Variants in CELF1 observed in about 807,000 individuals in gnomAD.
The protein encoded by CELF1 is 50 kDa nuclear polyadenylated RNA-binding protein.
CELF1 carries 10 observed loss-of-function variants against 61.8 expected under a neutral mutation model. The observed-to-expected ratio is 0.16, with a 90% CI of 0.10 to 0.27. The LOEUF is 0.27. CELF1 is among the 10% of genes least tolerant of loss of function. The probability of loss-of-function intolerance (pLI) is 1.00; values close to 1 mark genes in which losing one functional copy is unlikely to be tolerated. For missense variants in CELF1, 380 were observed against 639.1 expected, an observed-to-expected ratio of 0.59 and a Z score of 4.37; for synonymous variants, 236 against 225.1, an observed-to-expected ratio of 1.05 and a Z score of -0.43.
At chr11:47,508,347 T>A (rs1023923533) in intron 1 of CELF1, among the ~76,000 whole-genome samples, 8 of 152,100 alleles carry the variant, frequency 5.3e-5, no homozygotes, top group Non-Finnish European at 1.0e-4. Flanking sequence ...TGGTTTTTCA[T>A]AGGCATCACT....
At chr11:47,519,574 A>G (rs944164865) in intron 1 of CELF1, among the ~76,000 whole-genome samples, 5 of 152,140 alleles carry the variant, frequency 3.3e-5, no homozygotes, top group African/African-American at 1.2e-4. Flanking sequence ...GTGCTCCTAA[A>G]GGTGCTTCTC....
intron 2 of CELF1, among the ~76,000 whole-genome samples, chr11:47,558,176 C>G (rs2097211550): frequency 6.6e-6 from 1 of 151,848 alleles, no homozygotes; most frequent in South Asian, 2.1e-4. Context: ...ACTCTTAAGG[C>G]CTGGTTACAT....
chr11:47,475,656 A>G, intron 12 of CELF1, 135 bp from the exon 13 acceptor site: 2 of 810,508 alleles, frequency 2.5e-6, no homozygotes, highest in Non-Finnish European at 3.8e-6. Context: ...TCTCCCTGAG[A>G]AGAAACTATC....
At chr11:47,532,166 G>T (rs933640875) in intron 1 of CELF1, among the ~76,000 whole-genome samples, 9 of 152,102 alleles carry the variant, frequency 5.9e-5, no homozygotes, top group African/African-American at 1.9e-4. Context: ...GAGTAGCTGG[G>T]ACTACAGGTA....
chr11:47,486,714 G>T, intron 6 of CELF1, 36 bp downstream of exon 6: 1 of 1,582,238 alleles, frequency 6.3e-7, no homozygotes, highest in Non-Finnish European at 8.7e-7. Flanking sequence ...GGCCTAGGCA[G>T]AAATCTTAAG....
intron 1 of CELF1, among the ~76,000 whole-genome samples, chr11:47,546,134 T>C (rs1031213008): frequency 1.3e-5 from 2 of 151,466 alleles, no homozygotes; most frequent in Non-Finnish European, 2.9e-5. Flanking sequence ...ATGGTCTCGA[T>C]CTCCTGACCT....
At chr11:47,492,804 C>G (rs1340099214) in intron 3 of CELF1, among the ~76,000 whole-genome samples, 2 of 152,140 alleles carry the variant, frequency 1.3e-5, no homozygotes, top group African/African-American at 2.4e-5. Flanking sequence ...CTTTAATTAC[C>G]AGTTGTAATA....
intron 1 of CELF1, among the ~76,000 whole-genome samples, chr11:47,536,767 TAATAAAA>T (rs2096640312): frequency 6.6e-6 from 1 of 151,988 alleles, no homozygotes; most frequent in Non-Finnish European, 1.5e-5. Context: ...CAAAAAATAA[TAATAAAA>T]AATAAAAATT....
intron 1 of CELF1, among the ~76,000 whole-genome samples, chr11:47,531,479 G>C (rs2096472755): frequency 6.6e-6 from 1 of 152,088 alleles, no homozygotes; most frequent in Non-Finnish European, 1.5e-5. Context: ...TGAGGTAGGA[G>C]AATTGCTTGA....
chr11:47,467,522 T>C lies in CELF1; in HGVS notation c.*4708A>G, dbSNP rs531222846. The C allele has an allele frequency of 1.1e-3, 168 of 152,426 alleles. No individual in the cohort carries two copies. Among genetic ancestry groups the C allele is most frequent in the African/African-American group, 3.7e-3 (155 of 41,566 alleles). The allele number at this position is 152,426 out of a possible 1,614,324, so 9.4% of individuals were successfully genotyped here. The stretch of plus-strand genomic sequence containing the variant: ...AGGGCTGTAAACAGTGTGAAGACTG[T>C]AGTATTGTGCTTGTCACCTAGGAAA... On this transcript the variant is annotated 3_prime_UTR_variant, in exon 15 of 15. Coordinates refer to ENST00000687097, the MANE Select transcript of CELF1 (RefSeq NM_001376376.1).
chr11:47,517,051 A>G (rs968457565), intron 1 of CELF1, among the ~76,000 whole-genome samples: 15 of 152,272 alleles, frequency 9.9e-5, no homozygotes, highest in Non-Finnish European at 1.8e-4. Flanking sequence ...GTTCCAGACC[A>G]GCCCAGGCAA....
At chr11:47,481,102 CTTTTTTTTTTTTTTTTTTT>C (rs1187959061) in intron 9 of CELF1, among the ~76,000 whole-genome samples, 1 of 71,418 alleles carries the variant, frequency 1.4e-5, no homozygotes, top group South Asian at 6.0e-4. Flanking sequence ...TTTTCTTCTT[CTTTTTTTTTTTTTTTTTTT>C]TTTTTTGTGA....
rs1380807797 is a variant in CELF1, at chr11:47,466,464, G to A, written c.*5766C>T. ...TGAAATCACTTTACATTGTTTTCTAGTAGAAAAGGCAAAAAACTGTACAAA... is the reference window on the plus strand; with the variant it reads ...TGAAATCACTTTACATTGTTTTCTAATAGAAAAGGCAAAAAACTGTACAAA... On this transcript the variant is annotated 3_prime_UTR_variant, in exon 15 of 15. Transcript: ENST00000687097. The A allele has an allele frequency of 6.6e-6, 1 of 151,832 alleles. No homozygotes were observed. The highest frequency in any genetic ancestry group is 2.4e-5 in the African/African-American group (1 of 41,332). The allele number at this position is 151,832 out of a possible 1,614,324, so 9.4% of individuals were successfully genotyped here.
At chr11:47,538,567 C>T (rs1033860205) in intron 1 of CELF1, among the ~76,000 whole-genome samples, 3 of 145,576 alleles carry the variant, frequency 2.1e-5, no homozygotes, top group Admixed American at 7.4e-5. Context: ...GGCGTGAACC[C>T]GGGAGACAGA....
chr11:47,508,051 A>G (rs546135717), intron 1 of CELF1, among the ~76,000 whole-genome samples: 1 of 152,294 alleles, frequency 6.6e-6, no homozygotes, highest in South Asian at 2.1e-4. Context: ...GGTGAGGACT[A>G]CCCTAAGGAT....
At chr11:47,548,569 T>C (rs2097046852) in intron 1 of CELF1, among the ~76,000 whole-genome samples, 1 of 152,110 alleles carries the variant, frequency 6.6e-6, no homozygotes. Flanking sequence ...AAGGGGTTAA[T>C]ATCCAGAAAA....
At chr11:47,483,696 T>C (rs1285432329) in intron 7 of CELF1, among the ~76,000 whole-genome samples, 164 bp from the exon 8 acceptor site, 2 of 150,986 alleles carry the variant, frequency 1.3e-5, no homozygotes, top group Non-Finnish European at 2.9e-5. Flanking sequence ...TGTGCTATAA[T>C]GAAAAAACAG....
chr11:47,540,478 C>T (rs2153721303), intron 1 of CELF1, among the ~76,000 whole-genome samples: 1 of 152,342 alleles, frequency 6.6e-6, no homozygotes, highest in East Asian at 1.9e-4. Flanking sequence ...ATGCAGTAAT[C>T]ACCCACTAGC....
At position 47,548,862 on chromosome 11, in the gene CELF1, T is replaced by C. The variant is rs372813008; in HGVS notation, c.-154+4130A>G. 1.5e-4 allele frequency among the ~76,000 whole-genome samples: 15 copies of C among 101,610 alleles called. No homozygotes were observed. In the East Asian group the frequency reaches 4.1e-3, roughly 28 times the overall value. The allele number at this position is 101,610 out of a possible 152,430, so 66.7% of individuals were successfully genotyped here. A position where few individuals can be genotyped will look rare whatever the true frequency, so the allele number is the denominator to read the frequency against. On this transcript the variant is annotated intron_variant, in intron 1 of 14. Coordinates refer to ENST00000687097, the MANE Select transcript of CELF1 (RefSeq NM_001376376.1). ...GCCTGGGCAACAGAGCAAGACTCCA[T>C]CTCAAAAAAAAAAAAAAAAAAAATC...
Sources: gnomAD v4.1 joint callset for allele counts (sites outside exome capture counted in the v4.1 genomes callset) on GRCh38, gnomAD v4.1.1 for gene constraint, MANE v1.5 for transcripts, NCBI Gene and HGNC (gene_info 2026-07-23, HGNC 2026-07-21) for gene names.